Variants in RNF138 observed in about 807,000 individuals in gnomAD.
RNF138 encodes E3 ubiquitin-protein ligase RNF138.
A neutral mutation model predicts 31.0 loss-of-function variants in RNF138; 12 were observed. The observed-to-expected ratio is 0.39, with a 90% CI of 0.25 to 0.63. The LOEUF (loss-of-function observed/expected upper bound fraction) is 0.63, where lower values mean the gene tolerates loss of function less well. RNF138 is among the 20% of genes least tolerant of loss of function. RNF138 has a pLI of 0.52. For synonymous variants in RNF138, 105 were observed against 99.5 expected (o/e 1.06, Z -0.33); for missense variants, 192 against 300.1 (o/e 0.64, Z 2.66).
chr18:32,128,699 G>A (rs1309301157), intron 7 of RNF138, among the ~76,000 whole-genome samples: 2 of 152,116 alleles, frequency 1.3e-5, no homozygotes, highest in East Asian at 3.9e-4. Flanking sequence ...ATTTTTTAAA[G>A]TGACAGTCTC....
intron 6 of RNF138, 90 bp from the exon 7 acceptor site, chr18:32,126,603 A>G: frequency 1.3e-6 from 1 of 750,282 alleles, no homozygotes; most frequent in Non-Finnish European, 2.2e-6. Flanking sequence ...TATTTTTGGT[A>G]ACATATCCCT....
At chr18:32,096,164 A>T (rs2144559953) in intron 2 of RNF138, among the ~76,000 whole-genome samples, 1 of 152,384 alleles carries the variant, frequency 6.6e-6, no homozygotes, top group Middle Eastern at 3.4e-3. Flanking sequence ...ATAATTAGAT[A>T]ACCTAATGAA....
intron 1 of RNF138, 71 bp from the exon 2 acceptor site, chr18:32,092,629 A>T (rs1029832306): frequency 3.1e-6 from 2 of 636,840 alleles, no homozygotes; most frequent in Non-Finnish European, 5.7e-6. Flanking sequence ...CGCCCTACCC[A>T]GGGCCCCGCC....
At chr18:32,124,676 G>T in intron 5 of RNF138, 58 bp from the exon 6 acceptor site, 2 of 828,838 alleles carry the variant, frequency 2.4e-6, no homozygotes, top group Non-Finnish European at 4.2e-6. Context: ...AAAAATAGGA[G>T]AGCGTTATTT....
At chr18:32,115,471 G>A (rs1264596726) in intron 4 of RNF138, among the ~76,000 whole-genome samples, 5 of 152,136 alleles carry the variant, frequency 3.3e-5, no homozygotes, top group East Asian at 1.9e-4. Flanking sequence ...CTGGCTGGGC[G>A]CGGTGGCTCA....
intron 4 of RNF138, 99 bp downstream of exon 4, chr18:32,113,959 G>T: frequency 1.6e-6 from 1 of 618,844 alleles, no homozygotes; most frequent in Non-Finnish European, 2.8e-6. Context: ...GTGTGTGTGT[G>T]TATGTGCACA....
At chr18:32,100,275 G>C (rs1022586486) in intron 2 of RNF138, among the ~76,000 whole-genome samples, 7 of 150,952 alleles carry the variant, frequency 4.6e-5, no homozygotes, top group Admixed American at 6.6e-5. Context: ...TAAGAGACCT[G>C]AATACCTCTA....
At chr18:32,094,034 TCC>T (rs2039759635) in intron 2 of RNF138, among the ~76,000 whole-genome samples, 1 of 152,010 alleles carries the variant, frequency 6.6e-6, no homozygotes, top group African/African-American at 2.4e-5. Context: ...CTCGTGATCC[TCC>T]CGCCTCGGCC....
At chr18:32,119,100 C>T (rs1485486645) in intron 4 of RNF138, among the ~76,000 whole-genome samples, 1 of 152,050 alleles carries the variant, frequency 6.6e-6, no homozygotes, top group Non-Finnish European at 1.5e-5. Flanking sequence ...AAAATTTTCC[C>T]CATGTGATAA....
intron 2 of RNF138, among the ~76,000 whole-genome samples, chr18:32,099,303 C>G (rs1464668735): frequency 6.6e-6 from 1 of 152,118 alleles, no homozygotes; most frequent in Non-Finnish European, 1.5e-5. Flanking sequence ...TCCATTCCAG[C>G]CCAAAGTGAG....
At chr18:32,104,439 G>T (rs2039995385) in intron 2 of RNF138, among the ~76,000 whole-genome samples, 5 of 152,118 alleles carry the variant, frequency 3.3e-5, no homozygotes. Flanking sequence ...CATCACCCCT[G>T]ACATTTAACA....
chr18:32,126,935 T>C (rs1386677479), intron 7 of RNF138, 135 bp downstream of exon 7: 3 of 568,400 alleles, frequency 5.3e-6, no homozygotes, highest in Non-Finnish European at 9.6e-6. Flanking sequence ...CTTAGGTTTT[T>C]AATAATACTG....
chr18:32,105,061 T>C (rs2040006385), intron 2 of RNF138, among the ~76,000 whole-genome samples: 1 of 151,910 alleles, frequency 6.6e-6, no homozygotes, highest in African/African-American at 2.4e-5. Context: ...ATTAAAAATA[T>C]AAAAATACAA....
intron 2 of RNF138, among the ~76,000 whole-genome samples, chr18:32,104,656 A>G (rs1365629414): frequency 1.3e-5 from 2 of 152,202 alleles, no homozygotes; most frequent in Admixed American, 6.5e-5. Flanking sequence ...ATAGAAGAAA[A>G]ACGTCACTTA....
chr18:32,120,587 T>C (rs9964804), intron 4 of RNF138, among the ~76,000 whole-genome samples: 12,685 of 152,254 alleles, frequency 0.083, 1,117 homozygotes, highest in African/African-American at 0.22. Context: ...TGATTTTCTA[T>C]TGTTGAACCT....
intron 1 of RNF138, 31 bp from the exon 2 acceptor site, chr18:32,092,669 C>G: frequency 1.4e-6 from 1 of 705,702 alleles, no homozygotes. Flanking sequence ...TATCCTGATG[C>G]GATCCCCCTC....
rs2040454786 is a variant in RNF138, at chr18:32,130,424, G to C, written c.*1237G>C. On this transcript the variant is annotated 3_prime_UTR_variant, in exon 8 of 8. Transcript: ENST00000261593. Reference sequence around the variant, plus strand: ...TTCACTACTTTTTAGTTAAAATTGGGTATGTTCTTAATATTCATTAGTGAG... The same window carrying C: ...TTCACTACTTTTTAGTTAAAATTGGCTATGTTCTTAATATTCATTAGTGAG... The C allele has an allele frequency of 6.6e-6, 1 of 152,300 alleles. No homozygotes were observed. Among genetic ancestry groups the C allele is most frequent in the South Asian group, 2.1e-4 (1 of 4,824 alleles). The allele number at this position is 152,300 out of a possible 1,614,324, so 9.4% of individuals were successfully genotyped here.
rs1021812082 is a variant in RNF138 at position 32,091,924 on chromosome 18, G to C, written c.-389G>C. On this transcript the variant is annotated 5_prime_UTR_variant, in exon 1 of 8. Transcript: ENST00000261593. ...CGCACTTCACACCCCGTGCCTCCCC[G>C]CCTCTCCTGGCTCCTCCGCCCAGAT... 2 of 152,386 alleles carry C rather than the reference G, an allele frequency of 1.3e-5. No individual in the cohort carries two copies. Among genetic ancestry groups the C allele is most frequent in the African/African-American group, 2.4e-5 (1 of 41,456 alleles). The allele number at this position is 152,386 out of a possible 1,614,324, so 9.4% of individuals were successfully genotyped here. A position where few individuals can be genotyped will look rare whatever the true frequency, so the allele number is the denominator to read the frequency against.
At chr18:32,114,385 T>G (rs551293511) in intron 4 of RNF138, among the ~76,000 whole-genome samples, 17 of 152,188 alleles carry the variant, frequency 1.1e-4, no homozygotes, top group Admixed American at 6.5e-4. Context: ...TCATGTACAT[T>G]AAACATTTTT....
Sources: allele counts gnomAD v4.1 joint callset (sites outside exome capture counted in the v4.1 genomes callset), GRCh38; gene constraint gnomAD v4.1.1; transcripts MANE v1.5; gene names NCBI Gene and HGNC (gene_info 2026-07-23, HGNC 2026-07-21).